The following FBLN2 variants were observed in gnomAD, a reference collection of about 807,000 sequenced individuals.
The protein encoded by FBLN2 is fibulin 2, also known as fibulin-2.
In FBLN2, 81 loss-of-function variants were observed where a neutral mutation model predicts 123.7. The observed-to-expected ratio is 0.65, with a 90% CI of 0.55 to 0.79. The LOEUF (loss-of-function observed/expected upper bound fraction) is 0.79. FBLN2 is among the 30% of genes least tolerant of loss of function. The pLI, the probability that FBLN2 is intolerant of heterozygous loss-of-function variation, is 0.00. For synonymous variants in FBLN2, 699 were observed against 701.4 expected, an observed-to-expected ratio of 1.00 and a Z score of 0.05; for missense variants, 1,603 against 1,681.3, an observed-to-expected ratio of 0.95 and a Z score of 0.81.
At position 13,629,154 on chromosome 3, in the gene FBLN2, C is replaced by T. The variant is rs367736320; in HGVS notation, c.2714-10C>T. ...CCCAGGCCTCAAGGTACCCTGCTCA[C>T]CCCCCACAGACGTGAATGAGTGTGA... is the stretch of plus-strand genomic sequence containing the variant. On this transcript the variant is annotated splice_polypyrimidine_tract_variant and intron_variant, in intron 12 of 17. Coordinates refer to ENST00000404922, the MANE Select transcript of FBLN2 (RefSeq NM_001004019.2). The T allele has an allele frequency of 1.2e-5, 19 of 1,611,220 alleles. No individual in the cohort carries two copies. In the South Asian group the frequency reaches 1.6e-4, roughly 14 times the overall value.
chr3:13,629,102 C>A (rs911078755), intron 12 of FBLN2, 54 bp downstream of exon 12: 2 of 1,612,708 alleles, frequency 1.2e-6, no homozygotes, highest in African/African-American at 2.7e-5. Context: ...CGCTTCCCCA[C>A]CCCTGGGAGG....
At chr3:13,627,486 G>T (rs921602340) in intron 10 of FBLN2, among the ~76,000 whole-genome samples, 1 of 152,216 alleles carries the variant, frequency 6.6e-6, no homozygotes, top group African/African-American at 2.4e-5. Context: ...CTGGTCCAGT[G>T]CTCCCCAGCA....
chr3:13,610,608 C>A (rs540218548), intron 4 of FBLN2, among the ~76,000 whole-genome samples: 8 of 152,060 alleles, frequency 5.3e-5, no homozygotes, highest in Non-Finnish European at 1.2e-4. Flanking sequence ...TCTGTAAAGC[C>A]GTGGGAGGGA....
In FBLN2 at chr3:13,555,194, C is replaced by G. The variant is rs533009329; in HGVS notation, c.-42+5986C>G. Among the ~76,000 whole-genome samples, 13 of 152,128 alleles carry G rather than the reference C, an allele frequency of 8.5e-5. No individual in the cohort carries two copies. The East Asian group carries it at 1.4e-3, about 16-fold the overall frequency. On this transcript the variant is annotated intron_variant, in intron 1 of 17. Coordinates refer to ENST00000404922, the MANE Select transcript of FBLN2 (RefSeq NM_001004019.2). Reference sequence around the variant, plus strand: ...CTCAAACTCCTGACCTCAGGTGATCCACCTGTCTTGGCCTCCCAAAGTGCT... The same window carrying G: ...CTCAAACTCCTGACCTCAGGTGATCGACCTGTCTTGGCCTCCCAAAGTGCT...
intron 2 of FBLN2, among the ~76,000 whole-genome samples, chr3:13,604,851 T>C (rs1705152202): frequency 6.6e-6 from 1 of 152,234 alleles, no homozygotes. Context: ...TAACTTGCCG[T>C]GCCTGCTAAG....
chr3:13,597,867 G>C (rs531917000), intron 2 of FBLN2, among the ~76,000 whole-genome samples: 10 of 152,354 alleles, frequency 6.6e-5, no homozygotes, highest in African/African-American at 2.2e-4. Context: ...GTGTTCTGAA[G>C]CTGGGATGTT....
chr3:13,570,680 T>C lies in FBLN2; in HGVS notation c.325T>C (p.Cys109Arg). The C allele has an allele frequency of 6.3e-7, 1 of 1,586,130 alleles. No individual in the cohort carries two copies. Among genetic ancestry groups the C allele is most frequent in the Non-Finnish European group, 8.6e-7 (1 of 1,167,248 alleles). ...SCPPGGGKIS[C>R]QFMLCPELPP... ...CCCACCAGGCGGCGGCAAGATCAGC[T>C]GCCAGTTCATGCTGTGCCCGGAGCT... The change falls in exon 2 of 18, where the codon TGC becomes CGC. Residue 109 changes from cysteine (C) to arginine (R), a missense_variant. Cys to Arg is a radical substitution (Grantham distance 180). Coordinates refer to ENST00000404922, the MANE Select transcript of FBLN2 (RefSeq NM_001004019.2).
chr3:13,616,891 A>G lies in FBLN2; in HGVS notation c.1730-1185A>G, dbSNP rs1036245074. ...GCTGCCCAAGTTGACCCAGCTAGGG[A>G]AGGCCCAGGTCAGTGGTCACATCTG... On this transcript the variant is annotated intron_variant, in intron 5 of 17. Transcript: ENST00000404922. Among the ~76,000 whole-genome samples the G allele has an allele frequency of 4.7e-4, 72 of 152,192 alleles. 1 individual carries two copies. Among genetic ancestry groups the G allele is most frequent in the South Asian group, 2.1e-4 (1 of 4,830 alleles).
Position 13,617,795 on chromosome 3 carries a change from CCCACCCATCCACTCACTCACCCATCCAT to C in FBLN2, c.1730-269_1730-242del, listed in dbSNP as rs1249785453. Among the ~76,000 whole-genome samples the C allele has an allele frequency of 6.7e-5, 9 of 134,542 alleles. 1 individual carries two copies. In the Admixed American group the frequency reaches 6.7e-4, roughly 10 times the overall value. 88.3% of individuals were successfully genotyped at this position (134,542 alleles called of 152,430 possible). ...ACCCACCCATCCATCTACCCATCCACCCACCCATCCACTCACTCACCCATCCATCCACCCATCCATCTACCCATCCATC... is the reference window on the plus strand; with the variant it reads ...ACCCACCCATCCATCTACCCATCCACCCACCCATCCATCTACCCATCCATC... On this transcript the variant is annotated intron_variant, in intron 5 of 17. Coordinates refer to ENST00000404922, the MANE Select transcript of FBLN2 (RefSeq NM_001004019.2).
chr3:13,599,304 A>G (rs114875783), intron 2 of FBLN2, among the ~76,000 whole-genome samples: 2,362 of 152,258 alleles, frequency 0.016, 68 homozygotes, highest in African/African-American at 0.054. Flanking sequence ...TCCCATAGAG[A>G]GTGGGGGCAG....
At chr3:13,635,811 C>T (rs1375178240) in intron 16 of FBLN2, among the ~76,000 whole-genome samples, 1 of 152,182 alleles carries the variant, frequency 6.6e-6, no homozygotes, top group Non-Finnish European at 1.5e-5. Flanking sequence ...CCTCCTGGAG[C>T]CCAGGTTGAG....
intron 1 of FBLN2, among the ~76,000 whole-genome samples, chr3:13,551,469 A>G (rs1036071037): frequency 1.2e-4 from 18 of 152,170 alleles, no homozygotes; most frequent in African/African-American, 3.4e-4. Context: ...TCTTGCACCT[A>G]TTTAAGAGAC....
chr3:13,628,708 A>G (rs1706135242), intron 11 of FBLN2, among the ~76,000 whole-genome samples, 197 bp from the exon 12 acceptor site: 1 of 152,158 alleles, frequency 6.6e-6, no homozygotes, highest in Non-Finnish European at 1.5e-5. Context: ...GCGTAGGGCC[A>G]GCCATCAGGT....
At chr3:13,607,925 T>G in intron 2 of FBLN2, 137 bp from the exon 3 acceptor site, 1 of 647,514 alleles carries the variant, frequency 1.5e-6, no homozygotes. Context: ...TGTTGTGAGC[T>G]GTTAGCGACC....
intron 2 of FBLN2, 136 bp from the exon 3 acceptor site, chr3:13,607,926 G>A (rs1030048334): frequency 1.5e-6 from 1 of 653,520 alleles, no homozygotes; most frequent in Non-Finnish European, 2.7e-6. Flanking sequence ...GTTGTGAGCT[G>A]TTAGCGACCA....
rs185402368 is a variant in FBLN2 at position 13,550,400 on chromosome 3, A to T, written c.-42+1192A>T. ...TTTGCTGCCACAAGGAGTTGCCCAT[A>T]TCAGCTTTGCAGTGATCACTTGGGC... On this transcript the variant is annotated intron_variant, in intron 1 of 17. Transcript: ENST00000404922. Among the ~76,000 whole-genome samples, 685 of 152,328 alleles carry T rather than the reference A, an allele frequency of 4.5e-3. 2 individuals are homozygous for T. Among genetic ancestry groups the T allele is most frequent in the South Asian group, 0.035 (171 of 4,828 alleles).
At chr3:13,553,564 G>A (rs1703383100) in intron 1 of FBLN2, among the ~76,000 whole-genome samples, 1 of 152,246 alleles carries the variant, frequency 6.6e-6, no homozygotes, top group South Asian at 2.1e-4. Context: ...CGTGGGTCAA[G>A]CCGTGCGTCA....
chr3:13,555,516 G>A (rs958157527), intron 1 of FBLN2, among the ~76,000 whole-genome samples: 57 of 151,610 alleles, frequency 3.8e-4, no homozygotes, highest in South Asian at 2.1e-4. Flanking sequence ...GTGCAGTGGC[G>A]CCATCTCGGC....
intron 5 of FBLN2, among the ~76,000 whole-genome samples, chr3:13,616,894 G>A (rs917868314): frequency 3.3e-5 from 5 of 152,216 alleles, no homozygotes; most frequent in Admixed American, 6.5e-5. Flanking sequence ...GCTAGGGAAG[G>A]CCCAGGTCAG....
Sources: allele counts gnomAD v4.1 joint callset (sites outside exome capture counted in the v4.1 genomes callset), GRCh38; gene constraint gnomAD v4.1.1; transcripts MANE v1.5; gene names NCBI Gene and HGNC (gene_info 2026-07-23, HGNC 2026-07-21).